SMC4: variants seen among roughly 807,000 people sequenced by gnomAD.
The protein encoded by SMC4 is structural maintenance of chromosomes protein 4.
A neutral mutation model predicts 145.6 loss-of-function variants in SMC4; 87 were observed. The ratio of observed to expected loss-of-function variants is 0.60; its 90% confidence interval spans 0.50 to 0.71. The LOEUF is 0.71. Ranked by LOEUF, SMC4 falls within the 30% of genes least tolerant of loss-of-function variation. SMC4 has a pLI of 0.00. For synonymous variants in SMC4, 558 were observed against 500.7 expected, an observed-to-expected ratio of 1.11 and a Z score of -1.53; for missense variants, 1,447 against 1,537.1, an observed-to-expected ratio of 0.94 and a Z score of 0.98.
At chr3:160,424,645 A>G (rs1316402874) in intron 15 of SMC4, among the ~76,000 whole-genome samples, 1 of 152,180 alleles carries the variant, frequency 6.6e-6, no homozygotes, top group Non-Finnish European at 1.5e-5. Flanking sequence ...CGTCTCTACT[A>G]AAAACACAAA....
rs939697995 is a variant in SMC4, at chr3:160,402,863, ATAAGG to A, written c.510+2_510+6del. On this transcript the variant is annotated splice_donor_variant and coding_sequence_variant, in exon 4 of 24. Transcript: ENST00000357388. LOFTEE classifies it high-confidence loss of function. ...GAAGTTCATTTTCAAAAGATAATTG[ATAAGG>A]TAAGGGATTTTTACTGTTATTGGCA... 7 of 1,564,908 alleles carry A rather than the reference ATAAGG, an allele frequency of 4.5e-6. No individual in the cohort carries two copies. The highest frequency in any genetic ancestry group is 5.2e-6 in the Non-Finnish European group (6 of 1,162,390).
rs1716593077 is a variant in SMC4 at position 160,416,414 on chromosome 3, A to T, written c.1436A>T (p.Glu479Val). ...ACACAAGGGCTTCAGAAAGAAAAAG[A>T]AGTAAGTTTTTTTTTTTTATCAGTG... ...QETQGLQKEK[E>V]SREKELMGFS... Residue 479 changes from glutamate to valine, a missense_variant and splice_region_variant, in exon 10 of 24, where the codon GAA (glutamate) becomes GTA (valine). Physicochemically the swap from Glu to Val is moderately radical, Grantham distance 121. Transcript: ENST00000357388. The T allele has an allele frequency of 6.8e-7, 1 of 1,479,666 alleles. No homozygotes were observed. Among genetic ancestry groups the T allele is most frequent in the African/African-American group, 1.4e-5 (1 of 70,180 alleles). The allele number at this position is 1,479,666 out of a possible 1,614,324, so 91.7% of individuals were successfully genotyped here.
At position 160,416,426 on chromosome 3, in the gene SMC4, T is replaced by C. The variant is rs1716597337; in HGVS notation, c.1437+11T>C. Reference sequence around the variant, plus strand: ...CAGAAAGAAAAAGAAGTAAGTTTTTTTTTTTTATCAGTGTTTATTTTGGTG... The same window carrying C: ...CAGAAAGAAAAAGAAGTAAGTTTTTCTTTTTTATCAGTGTTTATTTTGGTG... On this transcript the variant is annotated intron_variant, in intron 10 of 23. Transcript: ENST00000357388. The C allele has an allele frequency of 6.8e-7, 1 of 1,460,946 alleles. No homozygotes were observed. Among genetic ancestry groups the C allele is most frequent in the East Asian group, 2.4e-5 (1 of 42,356 alleles). 90.5% of individuals were successfully genotyped at this position (1,460,946 alleles called of 1,614,324 possible). A position where few individuals can be genotyped will look rare whatever the true frequency, so the allele number is the denominator to read the frequency against.
intron 5 of SMC4, chr3:160,411,695 A>G: frequency 2.7e-6 from 1 of 372,696 alleles, no homozygotes; most frequent in Non-Finnish European, 4.9e-6. Flanking sequence ...ATCTAAGGGA[A>G]TATAAATTCA....
intron 21 of SMC4, among the ~76,000 whole-genome samples, chr3:160,432,070 C>T (rs1469986727): frequency 6.6e-6 from 1 of 152,192 alleles, no homozygotes; most frequent in African/African-American, 2.4e-5. Flanking sequence ...GGCGTTGTGG[C>T]ACGTGCCTGT....
chr3:160,408,836 A>G (rs1201807984), intron 5 of SMC4, among the ~76,000 whole-genome samples: 1 of 152,196 alleles, frequency 6.6e-6, no homozygotes, highest in Non-Finnish European at 1.5e-5. Context: ...AAGGACATCA[A>G]AGAACAGAGC....
In SMC4 at chr3:160,433,684, A is replaced by G. The variant is rs1338102531; in HGVS notation, c.3742A>G (p.Ile1248Val). 7 of 1,578,806 alleles carry G rather than the reference A, an allele frequency of 4.4e-6. No homozygotes were observed. Among genetic ancestry groups the G allele is most frequent in the South Asian group, 1.2e-5 (1 of 84,392 alleles). Residue 1248 changes from isoleucine to valine, a missense_variant, in exon 24 of 24, where the codon ATA becomes GTA. By Grantham distance (29) the Ile-to-Val change is conservative. Transcript: ENST00000357388. ...YEQTKNAQFI[I>V]ISLRNNMFEI... is the part of the protein sequence containing the mutation. ...ACAAACAAAAAATGCACAGTTCATAATAATTTCTCTTCGAAATAATATGTT... is the reference window on the plus strand; with the variant it reads ...ACAAACAAAAAATGCACAGTTCATAGTAATTTCTCTTCGAAATAATATGTT...
chr3:160,407,476 C>G (rs909921232), intron 5 of SMC4, among the ~76,000 whole-genome samples: 1 of 152,074 alleles, frequency 6.6e-6, no homozygotes, highest in Admixed American at 6.5e-5. Flanking sequence ...CTGCTTAAAC[C>G]CAGGAGGCAG....
At chr3:160,413,149 C>CT (rs1716201476) in intron 7 of SMC4, among the ~76,000 whole-genome samples, 1 of 151,590 alleles carries the variant, frequency 6.6e-6, no homozygotes, top group East Asian at 1.9e-4. Flanking sequence ...TTTATTTTTT[C>CT]TTTTTTCTTT....
rs776741545 is a variant in SMC4 at position 160,401,902 on chromosome 3, T to C, written c.140-13T>C. On this transcript the variant is annotated splice_polypyrimidine_tract_variant and intron_variant, in intron 2 of 23. Transcript: ENST00000357388. ...CCGTTTGCCTTCGTTTTCCTTTCCT[T>C]TCACTGACTTAGAGACTGCAAGTGA... 4.4e-6 allele frequency: 7 copies of C among 1,573,294 alleles called. No individual in the cohort carries two copies. In the South Asian group the frequency reaches 7.3e-5, roughly 16 times the overall value.
At chr3:160,423,359 G>GTGTTTTTTTTTT (rs1717395744) in intron 13 of SMC4, 66 bp from the exon 14 acceptor site, 2 of 359,972 alleles carry the variant, frequency 5.6e-6, no homozygotes, top group African/African-American at 3.5e-5. Flanking sequence ...GTTTTTTTTT[G>GTGTTTTTTTTTT]TTTTTTTTTT....
chr3:160,411,302 A>G (rs552585153), intron 5 of SMC4, among the ~76,000 whole-genome samples: 1 of 152,320 alleles, frequency 6.6e-6, no homozygotes, highest in Admixed American at 6.5e-5. Context: ...TACCATGAGA[A>G]ATAGGTAATA....
At chr3:160,419,649 T>C (rs1716961863) in intron 12 of SMC4, 106 bp downstream of exon 12, 1 of 1,038,018 alleles carries the variant, frequency 9.6e-7, no homozygotes, top group African/African-American at 1.7e-5. Context: ...GTATATAAAA[T>C]AAGATTCATT....
chr3:160,425,019 G>GGTGT lies in SMC4; in HGVS notation c.2478+2_2478+3insGTGT, dbSNP rs765128491. 2.2e-5 allele frequency: 27 copies of GGTGT among 1,226,968 alleles called. No homozygotes were observed. The highest frequency in any genetic ancestry group is 6.3e-5 in the African/African-American group (3 of 47,438). 76.0% of individuals were successfully genotyped at this position (1,226,968 alleles called of 1,614,324 possible). On this transcript the variant is annotated frameshift_variant and splice_region_variant. Coordinates refer to ENST00000357388, the MANE Select transcript of SMC4 (RefSeq NM_001002800.3). LOFTEE classifies it high-confidence loss of function. ...TAGAAAAATTTACTGCAAGCATCCA[G>GGTGT]GTATGTGTGTGTGTGTGTGTGTGTG...
rs757932435 is a variant in SMC4 at position 160,400,962 on chromosome 3, G to A, written c.136G>A (p.Ala46Thr). 21 of 1,412,950 alleles carry A rather than the reference G, an allele frequency of 1.5e-5. No individual in the cohort carries two copies. Among genetic ancestry groups the A allele is most frequent in the Non-Finnish European group, 1.8e-5 (20 of 1,096,084 alleles). The allele number at this position is 1,412,950 out of a possible 1,614,324, so 87.5% of individuals were successfully genotyped here. The change falls in exon 2 of 24, where the codon GCA (alanine) becomes ACA (threonine). Residue 46 changes from alanine (A) to threonine (T), a missense_variant. Physicochemically the swap from Ala to Thr is moderately conservative, Grantham distance 58. Coordinates refer to ENST00000357388, the MANE Select transcript of SMC4 (RefSeq NM_001002800.3). ...CCGCACGGAGAGCCCAGCCACCGCC[G>A]CAGGTGAGTGACCCGCCGCGACTCG... ...SGRTESPATA[A>T]ETASEELDNR...
chr3:160,408,658 C>T (rs1423247467), intron 5 of SMC4, among the ~76,000 whole-genome samples: 1 of 152,072 alleles, frequency 6.6e-6, no homozygotes, highest in African/African-American at 2.4e-5. Context: ...GAGCTTATTG[C>T]CCTAAATTAA....
intron 22 of SMC4, 26 bp from the exon 23 acceptor site, chr3:160,433,000 G>T: frequency 6.5e-7 from 1 of 1,540,406 alleles, no homozygotes; most frequent in South Asian, 1.1e-5. Flanking sequence ...CAGGTAATTT[G>T]ACTATGATTT....
chr3:160,418,930 C>T (rs553203229), intron 11 of SMC4, among the ~76,000 whole-genome samples: 2 of 152,240 alleles, frequency 1.3e-5, no homozygotes, highest in South Asian at 4.2e-4. Context: ...CCAGTACCCC[C>T]CAGCCCCGTT....
In SMC4 at chr3:160,401,059, G is replaced by A. The variant is rs2108441028; in HGVS notation, c.139+94G>A. ...AGGCTGGCTGGGGTTGTTGAGCGCG[G>A]AGTTGACATCTGAAGGTCCGGTGTC... On this transcript the variant is annotated intron_variant, in intron 2 of 23. Coordinates refer to ENST00000357388, the MANE Select transcript of SMC4 (RefSeq NM_001002800.3). The A allele has an allele frequency of 6.0e-6, 8 of 1,332,776 alleles. No individual in the cohort carries two copies. In the South Asian group the frequency reaches 1.1e-4, roughly 19 times the overall value. 82.6% of individuals were successfully genotyped at this position (1,332,776 alleles called of 1,614,324 possible). A position where few individuals can be genotyped will look rare whatever the true frequency, so the allele number is the denominator to read the frequency against.
Sources: gnomAD v4.1 joint callset for allele counts (sites outside exome capture counted in the v4.1 genomes callset) on GRCh38, gnomAD v4.1.1 for gene constraint, MANE v1.5 for transcripts, NCBI Gene and HGNC (gene_info 2026-07-23, HGNC 2026-07-21) for gene names.